Variants in SEC14L5 observed in about 807,000 individuals in gnomAD.
SEC14L5 encodes SEC14-like protein 5.
In SEC14L5, 96 loss-of-function variants were observed where a neutral mutation model predicts 84.6. That is an observed-to-expected ratio of 1.13 (90% CI 0.96 to 1.34). The LOEUF (loss-of-function observed/expected upper bound fraction) is 1.34, where lower values mean the gene tolerates loss of function less well. SEC14L5 is among the 40% of genes most tolerant of loss of function. The pLI, the probability that SEC14L5 is intolerant of heterozygous loss-of-function variation, is 0.00. For missense variants in SEC14L5, 1,224 were observed against 942.5 expected (o/e 1.30, Z -3.91); for synonymous variants, 546 against 383.4 (o/e 1.42, Z -4.95).
Position 5,011,185 on chromosome 16 carries a change from G to A in SEC14L5, c.1891G>A (p.Val631Met). The part of the protein sequence containing the change: ...PSSVACSLPG[V>M]DDVLTALHSP... Reference sequence around the variant, plus strand: ...CAGCGTGGCCTGCAGCCTCCCGGGTGTGGACGATGTCCTGACGGCTCTGCA... The same window carrying A: ...CAGCGTGGCCTGCAGCCTCCCGGGTATGGACGATGTCCTGACGGCTCTGCA... The change falls in exon 15 of 16, where the codon GTG (valine) becomes ATG (methionine). Residue 631 changes from valine to methionine, a missense_variant. Physicochemically the swap from Val to Met is conservative, Grantham distance 21. Coordinates refer to ENST00000251170, the MANE Select transcript of SEC14L5 (RefSeq NM_014692.2). 6.2e-7 allele frequency: 1 copy of A among 1,613,748 alleles called. No individual in the cohort carries two copies. Among genetic ancestry groups the A allele is most frequent in the Non-Finnish European group, 8.5e-7 (1 of 1,179,828 alleles).
chr16:5,010,180 T>G (rs1368709499), intron 14 of SEC14L5, among the ~76,000 whole-genome samples: 1 of 32,216 alleles, frequency 3.1e-5, no homozygotes, highest in Non-Finnish European at 5.4e-5. Context: ...CCGTCTCTAC[T>G]AAAAATACAA....
At chr16:4,973,665 C>G (rs995857529) in intron 2 of SEC14L5, among the ~76,000 whole-genome samples, 1 of 147,172 alleles carries the variant, frequency 6.8e-6, no homozygotes, top group Non-Finnish European at 1.5e-5. Flanking sequence ...TATGTGATTT[C>G]TTTTTTCTCT....
rs750036121 is a variant in SEC14L5 at position 5,003,429 on chromosome 16, G to A, written c.1158G>A (p.Glu386=). 2 of 1,613,446 alleles carry A rather than the reference G, an allele frequency of 1.2e-6. No individual in the cohort carries two copies. The highest frequency in any genetic ancestry group is 4.5e-5 in the East Asian group (2 of 44,876). ...ISSWTCLLDL[E]GLNMRHLWRP... is the part of the protein sequence containing the mutation. ...CCTGGACCTGCCTGCTAGACCTGGA[G>A]GGACTCAACATGCGGCACCTGTGGC... is the stretch of plus-strand genomic sequence containing the variant. The change falls in exon 11 of 16, where the codon GAG becomes GAA. Residue 386 remains glutamate (E), a synonymous_variant. Transcript: ENST00000251170.
chr16:5,008,723 T>G, intron 14 of SEC14L5, 75 bp downstream of exon 14: 2 of 1,339,404 alleles, frequency 1.5e-6, no homozygotes. Flanking sequence ...CTTCTGGGGA[T>G]ACAGCGGAGG....
chr16:4,968,594 G>A (rs1274057386), intron 2 of SEC14L5, among the ~76,000 whole-genome samples: 1 of 152,214 alleles, frequency 6.6e-6, no homozygotes, highest in Non-Finnish European at 1.5e-5. Context: ...AAAGTGCTGG[G>A]ATCACAGATG....
intron 10 of SEC14L5, among the ~76,000 whole-genome samples, chr16:5,001,425 A>AT (rs1224687450): frequency 2.0e-5 from 3 of 151,422 alleles, no homozygotes; most frequent in Middle Eastern, 3.2e-3. Flanking sequence ...CGCCTGACTA[A>AT]TTTTTTTGTA....
intron 8 of SEC14L5, among the ~76,000 whole-genome samples, chr16:4,998,170 T>C (rs1596635763): frequency 6.6e-6 from 1 of 151,668 alleles, no homozygotes; most frequent in East Asian, 2.0e-4. Flanking sequence ...CATGCTTGGC[T>C]AATTTTTGTA....
chr16:5,011,231 A>G lies in SEC14L5; in HGVS notation c.1937A>G (p.Lys646Arg). The G allele has an allele frequency of 6.2e-7, 1 of 1,613,886 alleles. No individual in the cohort carries two copies. The highest frequency in any genetic ancestry group is 1.1e-5 in the South Asian group (1 of 91,082). ...CTGCACAGCCCCGGGCCCAAGTGCA[A>G]ACTTCTCTACTACTGTGAGGTGCTC... ...TALHSPGPKC[K>R]LLYYCEVLAS... The change falls in exon 15 of 16, where the codon AAA becomes AGA. Residue 646 changes from lysine (K) to arginine (R), a missense_variant. Lys to Arg is a conservative substitution (Grantham distance 26). Coordinates refer to ENST00000251170, the MANE Select transcript of SEC14L5 (RefSeq NM_014692.2).
rs190536677 is a variant in SEC14L5 at position 4,976,213 on chromosome 16, C to A, written c.64-11344C>A. On this transcript the variant is annotated intron_variant, in intron 2 of 15. Coordinates refer to ENST00000251170, the MANE Select transcript of SEC14L5 (RefSeq NM_014692.2). ...GACAAGTAGCAAGGTAGCTACTTTT[C>A]TTACTTCCCCTTTTACACACAAAGG... is the stretch of plus-strand genomic sequence containing the variant. Among the ~76,000 whole-genome samples the A allele has an allele frequency of 3.4e-4, 52 of 152,270 alleles. 1 individual carries two copies. The East Asian group carries it at 3.7e-3, about 11-fold the overall frequency.
At chr16:5,003,716 C>G (rs897831747) in intron 11 of SEC14L5, 143 bp downstream of exon 11, 1 of 615,584 alleles carries the variant, frequency 1.6e-6, no homozygotes, top group Non-Finnish European at 2.8e-6. Context: ...GCATAAAGCT[C>G]ACACTTTTTA....
intron 2 of SEC14L5, among the ~76,000 whole-genome samples, chr16:4,972,499 C>T (rs915373930): frequency 2.0e-5 from 3 of 152,198 alleles, no homozygotes; most frequent in Non-Finnish European, 4.4e-5. Context: ...CTCCCTGCTC[C>T]CCACTGCTGC....
At chr16:5,002,398 G>C (rs1955686996) in intron 10 of SEC14L5, among the ~76,000 whole-genome samples, 1 of 150,424 alleles carries the variant, frequency 6.6e-6, no homozygotes, top group Non-Finnish European at 1.5e-5. Context: ...CTGGGTTCAA[G>C]TGATTCTCGT....
chr16:4,971,633 C>G (rs1955281418), intron 2 of SEC14L5, among the ~76,000 whole-genome samples: 1 of 152,204 alleles, frequency 6.6e-6, no homozygotes, highest in Non-Finnish European at 1.5e-5. Flanking sequence ...CAGAACCTAG[C>G]TCTCTGAAGG....
chr16:4,966,771 C>T (rs1000607798), intron 2 of SEC14L5, among the ~76,000 whole-genome samples: 4 of 152,168 alleles, frequency 2.6e-5, no homozygotes, highest in African/African-American at 9.7e-5. Flanking sequence ...TGAGCTCTAC[C>T]ATTTTTCAGA....
chr16:4,985,226 TA>T (rs1955470737), intron 2 of SEC14L5, among the ~76,000 whole-genome samples: 1 of 152,150 alleles, frequency 6.6e-6, no homozygotes, highest in South Asian at 2.1e-4. Flanking sequence ...ATTATTATTT[TA>T]TTTGTTTATT....
intron 2 of SEC14L5, among the ~76,000 whole-genome samples, chr16:4,961,274 ACAACAACAACAG>A (rs1045017690): frequency 7.3e-5 from 11 of 151,150 alleles, no homozygotes; most frequent in African/African-American, 2.7e-4. Flanking sequence ...CTCCGTCTCA[ACAACAACAACAG>A]CAACAACAAC....
At chr16:5,003,624 G>GC in intron 11 of SEC14L5, 51 bp downstream of exon 11, 2 of 305,308 alleles carry the variant, frequency 6.6e-6, no homozygotes, top group Non-Finnish European at 1.3e-5. Context: ...GGTGGGATGG[G>GC]AGGGGTTCCG....
chr16:4,977,321 C>T, intron 2 of SEC14L5, among the ~76,000 whole-genome samples: 1 of 151,126 alleles, frequency 6.6e-6, no homozygotes, highest in East Asian at 2.0e-4. Flanking sequence ...GTGGTGGGTG[C>T]CTGTAATCCC....
intron 6 of SEC14L5, among the ~76,000 whole-genome samples, chr16:4,995,624 CTTT>C (rs36027978): frequency 9.3e-5 from 12 of 128,534 alleles, no homozygotes; most frequent in Non-Finnish European, 1.8e-4. Context: ...CTCTCTCTCT[CTTT>C]TTTTTTTTTT....
Sources: gnomAD v4.1 joint callset for allele counts (sites outside exome capture counted in the v4.1 genomes callset) on GRCh38, gnomAD v4.1.1 for gene constraint, MANE v1.5 for transcripts, NCBI Gene and HGNC (gene_info 2026-07-23, HGNC 2026-07-21) for gene names.